The following PTPRD variants were observed in gnomAD, a reference collection of about 807,000 sequenced individuals.
PTPRD encodes protein tyrosine phosphatase receptor type D.
A neutral mutation model predicts 214.5 loss-of-function variants in PTPRD; 34 were observed. That is an observed-to-expected ratio of 0.16 (90% CI 0.12 to 0.21). The LOEUF (loss-of-function observed/expected upper bound fraction) is 0.21. Ranked by LOEUF, PTPRD falls within the 10% of genes least tolerant of loss-of-function variation. The pLI is 1.00. For missense variants in PTPRD, 2,545 were observed against 2,398.7 expected, an observed-to-expected ratio of 1.06 and a Z score of -1.27; for synonymous variants, 1,128 against 845.7, an observed-to-expected ratio of 1.33 and a Z score of -5.79.
At chr9:10,556,907 G>A (rs1011278714) in intron 2 of PTPRD, among the ~76,000 whole-genome samples, 1 of 151,996 alleles carries the variant, frequency 6.6e-6, no homozygotes, top group Non-Finnish European at 1.5e-5. Flanking sequence ...GGTTAGAAAC[G>A]TTGAAAAAAT....
intron 5 of PTPRD, among the ~76,000 whole-genome samples, chr9:9,767,464 C>G (rs978098411): frequency 3.3e-5 from 5 of 151,880 alleles, no homozygotes; most frequent in African/African-American, 1.2e-4. Context: ...TGAGTTGAAG[C>G]ACCAAATTTC....
chr9:8,929,733 GTATATATATGTGTATATATATA>G (rs2098932308), intron 11 of PTPRD, among the ~76,000 whole-genome samples: 5 of 95,106 alleles, frequency 5.3e-5, no homozygotes, highest in Middle Eastern at 5.6e-3. Flanking sequence ...ATATATATGT[GTATATATATGTGTATATATATA>G]TGTATATATA....
At chr9:9,841,765 T>C (rs898970800) in intron 5 of PTPRD, among the ~76,000 whole-genome samples, 16 of 152,224 alleles carry the variant, frequency 1.1e-4, no homozygotes, top group African/African-American at 3.1e-4. Flanking sequence ...GCTTCTCAGA[T>C]TTCTGTACAA....
intron 11 of PTPRD, chr9:8,858,371 C>T (rs1446312027): frequency 6.6e-6 from 1 of 152,580 alleles, no homozygotes; most frequent in Non-Finnish European, 1.5e-5. Context: ...CGAGGCGACG[C>T]CTGGGAAAGG....
In PTPRD at chr9:10,145,805, C is replaced by T. The variant is rs556216112; in HGVS notation, c.-544-112015G>A. Among the ~76,000 whole-genome samples the T allele has an allele frequency of 2.0e-5, 3 of 151,930 alleles. No individual in the cohort carries two copies. In the South Asian group the frequency reaches 6.2e-4, roughly 32 times the overall value. On this transcript the variant is annotated intron_variant, in intron 3 of 45. Transcript: ENST00000381196. ...TCAAAGTATGATATGATATGCTTTA[C>T]TTTACATAAAATATGATGGTAGAAA...
intron 6 of PTPRD, among the ~76,000 whole-genome samples, chr9:9,754,972 T>C (rs1554979187): frequency 1.3e-5 from 2 of 152,070 alleles, no homozygotes; most frequent in Non-Finnish European, 2.9e-5. Context: ...AAGCTTCCAG[T>C]GTTTATCAAA....
intron 11 of PTPRD, among the ~76,000 whole-genome samples, chr9:8,981,036 T>C (rs935001649): frequency 6.6e-6 from 1 of 152,104 alleles, no homozygotes; most frequent in Non-Finnish European, 1.5e-5. Context: ...TTGAGCAGCA[T>C]GCTGAATTAC....
At chr9:8,855,187 C>A (rs2154543993) in intron 11 of PTPRD, among the ~76,000 whole-genome samples, 1 of 151,448 alleles carries the variant, frequency 6.6e-6, no homozygotes, top group Non-Finnish European at 1.5e-5. Context: ...TACCAGGATA[C>A]CTCCTGGATA....
At chr9:8,924,935 T>C (rs2098860155) in intron 11 of PTPRD, among the ~76,000 whole-genome samples, 1 of 152,196 alleles carries the variant, frequency 6.6e-6, no homozygotes, top group Non-Finnish European at 1.5e-5. Flanking sequence ...GGTTGCCATT[T>C]GCTTATGCTG....
At chr9:8,383,085 T>C (rs570091536) in intron 37 of PTPRD, among the ~76,000 whole-genome samples, 1 of 152,204 alleles carries the variant, frequency 6.6e-6, no homozygotes, top group Non-Finnish European at 1.5e-5. Flanking sequence ...TCAATGGGAT[T>C]CTGTCAAATT....
intron 10 of PTPRD, among the ~76,000 whole-genome samples, chr9:9,148,149 C>T (rs2099871782): frequency 6.6e-6 from 1 of 152,014 alleles, no homozygotes; most frequent in Non-Finnish European, 1.5e-5. Flanking sequence ...GGTGACTACC[C>T]TTTGTTTCCA....
intron 7 of PTPRD, among the ~76,000 whole-genome samples, chr9:9,722,839 C>G (rs7873394): frequency 0.34 from 51,834 of 151,818 alleles, 9,658 homozygotes; most frequent in Middle Eastern, 0.48. Flanking sequence ...TTGACCATTT[C>G]TATACCTTTG....
chr9:9,817,632 T>C (rs888125010), intron 5 of PTPRD, among the ~76,000 whole-genome samples: 3 of 152,174 alleles, frequency 2.0e-5, no homozygotes, highest in Non-Finnish European at 4.4e-5. Context: ...TCTTTCATCT[T>C]ATTTACATTA....
intron 11 of PTPRD, among the ~76,000 whole-genome samples, chr9:8,975,463 G>A (rs2099263126): frequency 6.6e-6 from 1 of 151,914 alleles, no homozygotes; most frequent in African/African-American, 2.4e-5. Flanking sequence ...ATTACAAAAG[G>A]AAGATCTACC....
intron 7 of PTPRD, among the ~76,000 whole-genome samples, chr9:9,652,527 C>G (rs750808662): frequency 4.6e-5 from 7 of 152,028 alleles, no homozygotes; most frequent in Non-Finnish European, 8.8e-5. Flanking sequence ...TATTGCCTAT[C>G]TGAAAGGGTC....
chr9:9,571,592 G>A lies in PTPRD; in HGVS notation c.-237+3140C>T, dbSNP rs190212257. ...TTGGTTCCCTTAATAATATCATATG[G>A]AAATAAATTATCATAATTCATTTAG... is the stretch of plus-strand genomic sequence containing the variant. On this transcript the variant is annotated intron_variant, in intron 8 of 45. Coordinates refer to ENST00000381196, the MANE Select transcript of PTPRD (RefSeq NM_002839.4). Among the ~76,000 whole-genome samples, 428 of 151,078 alleles carry A rather than the reference G, an allele frequency of 2.8e-3. 1 individual carries two copies. Among genetic ancestry groups the A allele is most frequent in the African/African-American group, 9.7e-3 (403 of 41,442 alleles).
chr9:8,852,973 G>A (rs1012055643), intron 11 of PTPRD, among the ~76,000 whole-genome samples: 2 of 152,098 alleles, frequency 1.3e-5, no homozygotes, highest in Non-Finnish European at 2.9e-5. Flanking sequence ...TTCGAGGAGC[G>A]TGGCAGTACA....
intron 9 of PTPRD, among the ~76,000 whole-genome samples, chr9:9,304,960 T>A (rs1265291479): frequency 6.8e-6 from 1 of 146,392 alleles, no homozygotes; most frequent in African/African-American, 2.6e-5. Context: ...AGGATGGGAG[T>A]CTGTAATCTA....
chr9:10,244,858 A>T (rs1412636674), intron 3 of PTPRD, among the ~76,000 whole-genome samples: 3 of 152,056 alleles, frequency 2.0e-5, no homozygotes, highest in African/African-American at 7.2e-5. Context: ...TTCTATATTG[A>T]CTTTTCTAAG....
Sources: gnomAD v4.1 joint callset for allele counts (sites outside exome capture counted in the v4.1 genomes callset) on GRCh38, gnomAD v4.1.1 for gene constraint, MANE v1.5 for transcripts, NCBI Gene and HGNC (gene_info 2026-07-23, HGNC 2026-07-21) for gene names.